The following TUBA1C variants were observed in gnomAD, a reference collection of about 807,000 sequenced individuals.
The protein encoded by TUBA1C is tubulin alpha-1C chain.
In TUBA1C, 16 loss-of-function variants were observed where a neutral mutation model predicts 34.9. The ratio of observed to expected loss-of-function variants is 0.46; its 90% CI spans 0.31 to 0.70. The LOEUF is 0.70. Ranked by LOEUF, TUBA1C falls within the 30% of genes least tolerant of loss-of-function variation. TUBA1C has a pLI of 0.05. For synonymous variants in TUBA1C, 177 were observed against 215.9 expected, an observed-to-expected ratio of 0.82 and a Z score of 1.58; for missense variants, 329 against 587.3, an observed-to-expected ratio of 0.56 and a Z score of 4.55.
intron 1 of TUBA1C, among the ~76,000 whole-genome samples, chr12:49,230,135 A>T (rs375039174): frequency 8.1e-5 from 12 of 148,448 alleles, no homozygotes; most frequent in African/African-American, 3.0e-4. Context: ...GGAGATCTTT[A>T]CCTGGCAGTA....
chr12:49,235,628 G>C (rs912096318), intron 1 of TUBA1C, among the ~76,000 whole-genome samples: 1 of 151,930 alleles, frequency 6.6e-6, no homozygotes, highest in African/African-American at 2.4e-5. Flanking sequence ...CCAGCTACTC[G>C]GGAGGCTGAG....
Position 49,269,600 on chromosome 12 carries a change from G to T in TUBA1C, c.139G>T (p.Asp47Tyr). 6.2e-7 allele frequency: 1 copy of T among 1,614,212 alleles called. No individual in the cohort carries two copies. The highest frequency in any genetic ancestry group is 8.5e-7 in the Non-Finnish European group (1 of 1,180,042). The change falls in exon 2 of 4, where the codon GAT becomes TAT. Residue 47 changes from aspartate (D) to tyrosine (Y), a missense_variant. By Grantham distance (160) the Asp-to-Tyr change is radical. This residue lies in a region of TUBA1C where 152 missense variants were observed against 240.3 expected (regional missense o/e 0.63). Coordinates refer to ENST00000301072, the MANE Select transcript of TUBA1C (RefSeq NM_032704.5). ...PSDKTIGGGD[D>Y]SFNTFFSETG... ...TGACAAGACCATTGGGGGAGGAGATGATTCCTTCAACACCTTCTTCAGTGA... is the reference window on the plus strand; with the variant it reads ...TGACAAGACCATTGGGGGAGGAGATTATTCCTTCAACACCTTCTTCAGTGA...
chr12:49,273,408 G>T lies in TUBA1C; in HGVS notation c.*181G>T. 8.9e-7 allele frequency: 1 copy of T among 1,123,432 alleles called. No homozygotes were observed. The highest frequency in any genetic ancestry group is 1.5e-5 in the African/African-American group (1 of 64,870). 69.6% of individuals were successfully genotyped at this position (1,123,432 alleles called of 1,614,324 possible). On this transcript the variant is annotated 3_prime_UTR_variant, in exon 4 of 4. Coordinates refer to ENST00000301072, the MANE Select transcript of TUBA1C (RefSeq NM_032704.5). The stretch of plus-strand genomic sequence containing the variant: ...GCTGGTAGATGAAACCACCTGAGTC[G>T]AGGGTCTTGCTCTGTCACCCAGGCT...
At chr12:49,259,088 G>A (rs1410156701) in intron 1 of TUBA1C, among the ~76,000 whole-genome samples, 1 of 151,926 alleles carries the variant, frequency 6.6e-6, no homozygotes, top group East Asian at 1.9e-4. Context: ...AAATGTCCTA[G>A]GCCTTCACAT....
chr12:49,242,702 G>A (rs1942629664), intron 1 of TUBA1C, among the ~76,000 whole-genome samples: 1 of 151,880 alleles, frequency 6.6e-6, no homozygotes, highest in Admixed American at 6.6e-5. Flanking sequence ...TGCCCAGGCT[G>A]TTCTCAAACT....
At chr12:49,268,402 A>ATT (rs527927416) in intron 1 of TUBA1C, among the ~76,000 whole-genome samples, 2,195 of 143,220 alleles carry the variant, frequency 0.015, 44 homozygotes, top group African/African-American at 0.051. Context: ...CTCTACCATA[A>ATT]TTTTTTTTTT....
At chr12:49,246,071 A>C (rs1942663853) in intron 1 of TUBA1C, among the ~76,000 whole-genome samples, 1 of 151,790 alleles carries the variant, frequency 6.6e-6, no homozygotes, top group African/African-American at 2.4e-5. Flanking sequence ...CGCCCACCTA[A>C]TTTTTGTATT....
At position 49,273,272 on chromosome 12, in the gene TUBA1C, AT is replaced by A; in HGVS notation, c.*50del. Reference sequence around the variant, plus strand: ...CACTCCTTTGTCTTGGAACTGTCTTATTTTTGTTCTGTAAATGTCTATTGCC... The same window carrying A: ...CACTCCTTTGTCTTGGAACTGTCTTATTTTGTTCTGTAAATGTCTATTGCC... On this transcript the variant is annotated 3_prime_UTR_variant, in exon 4 of 4. Transcript: ENST00000301072. 1 of 1,614,020 alleles carries A rather than the reference AT, an allele frequency of 6.2e-7. No individual in the cohort carries two copies. Among genetic ancestry groups the A allele is most frequent in the Non-Finnish European group, 8.5e-7 (1 of 1,179,992 alleles).
chr12:49,249,015 G>A (rs1942705677), intron 1 of TUBA1C, among the ~76,000 whole-genome samples: 1 of 151,956 alleles, frequency 6.6e-6, no homozygotes, highest in African/African-American at 2.4e-5. Flanking sequence ...TTTGAACTGA[G>A]TAAAAATGAA....
At chr12:49,266,144 G>A (rs1276727765) in intron 1 of TUBA1C, among the ~76,000 whole-genome samples, 1 of 147,760 alleles carries the variant, frequency 6.8e-6, no homozygotes, top group South Asian at 2.2e-4. Flanking sequence ...ACGCAAACCC[G>A]GCCCGGCGCG....
chr12:49,227,991 G>A (rs1592269713), exon 1 of TUBA1C: 1 of 1,535,712 alleles, frequency 6.5e-7, no homozygotes, highest in Admixed American at 2.0e-5. Flanking sequence ...GAGCTAGGGA[G>A]GGATGAGTGC....
intron 1 of TUBA1C, among the ~76,000 whole-genome samples, chr12:49,243,144 T>C (rs1478356810): frequency 6.6e-6 from 1 of 152,048 alleles, no homozygotes; most frequent in Non-Finnish European, 1.5e-5. Context: ...CGTGAATTTG[T>C]TAAGATGAAA....
upstream of TUBA1C, among the ~76,000 whole-genome samples, chr12:49,260,161 C>G (rs1942827975): frequency 6.6e-6 from 1 of 152,076 alleles, no homozygotes; most frequent in African/African-American, 2.4e-5. Context: ...TACTTTTCCT[C>G]CAAGAGAATT....
At position 49,273,150 on chromosome 12, in the gene TUBA1C, A is replaced by C. The variant is rs149194844; in HGVS notation, c.1273A>C (p.Met425Leu). 5 of 1,614,216 alleles carry C rather than the reference A, an allele frequency of 3.1e-6. No homozygotes were observed. In the South Asian group the frequency reaches 5.5e-5, roughly 18 times the overall value. The change falls in exon 4 of 4, where the codon ATG (methionine) becomes CTG (leucine). Residue 425 changes from methionine (M) to leucine (L), a missense_variant. By Grantham distance (15) the Met-to-Leu change is conservative. Coordinates refer to ENST00000301072, the MANE Select transcript of TUBA1C (RefSeq NM_032704.5). ...EGEFSEARED[M>L]AALEKDYEEV... ...CGAGTTTTCAGAGGCCCGTGAGGAC[A>C]TGGCTGCCCTTGAGAAGGATTATGA...
intron 1 of TUBA1C, 22 bp from the exon 2 acceptor site, chr12:49,269,443 T>C: frequency 6.2e-7 from 1 of 1,613,944 alleles, no homozygotes; most frequent in Non-Finnish European, 8.5e-7. Context: ...TACCCTGACA[T>C]TTTCCTTTCT....
intron 1 of TUBA1C, among the ~76,000 whole-genome samples, chr12:49,246,085 T>C (rs1175627444): frequency 6.6e-6 from 1 of 151,976 alleles, no homozygotes; most frequent in Non-Finnish European, 1.5e-5. Context: ...TTGTATTTTT[T>C]AGTAGAGACC....
chr12:49,268,040 CT>C (rs1168121372), intron 1 of TUBA1C, among the ~76,000 whole-genome samples: 1 of 152,172 alleles, frequency 6.6e-6, no homozygotes, highest in African/African-American at 2.4e-5. Context: ...GCTTTGGCCC[CT>C]CTGGCCTTTC....
At chr12:49,261,453 T>C (rs1942839880), upstream of TUBA1C, among the ~76,000 whole-genome samples, 2 of 152,194 alleles carry the variant, frequency 1.3e-5, no homozygotes, top group South Asian at 4.1e-4. Context: ...ACAACTGTCA[T>C]TGTAGGTATT....
chr12:49,227,992 G>C (rs1362917155), exon 1 of TUBA1C: 1 of 1,535,680 alleles, frequency 6.5e-7, no homozygotes, highest in Admixed American at 2.0e-5. Context: ...AGCTAGGGAG[G>C]GATGAGTGCT....
Sources: gnomAD v4.1 joint callset for allele counts (sites outside exome capture counted in the v4.1 genomes callset) on GRCh38, gnomAD v4.1.1 for gene constraint, gnomAD v4.1.1 regional missense constraint, MANE v1.5 for transcripts, NCBI Gene and HGNC (gene_info 2026-07-23, HGNC 2026-07-21) for gene names.